The following STAG1 variants were observed in gnomAD, a reference collection of about 807,000 sequenced individuals.
STAG1 encodes the protein STAG1 cohesin complex component.
In STAG1, 26 loss-of-function variants were observed where a neutral mutation model predicts 170.9. The ratio of observed to expected loss-of-function variants is 0.15; its 90% CI spans 0.11 to 0.21. STAG1 has a LOEUF of 0.21. Ranked by LOEUF, STAG1 falls within the 10% of genes least tolerant of loss-of-function variation. The probability of loss-of-function intolerance (pLI) is 1.00; values close to 1 mark genes in which losing one functional copy is unlikely to be tolerated. For missense variants in STAG1, 964 were observed against 1,509.5 expected, an observed-to-expected ratio of 0.64 and a Z score of 5.99; for synonymous variants, 514 against 497.7, an observed-to-expected ratio of 1.03 and a Z score of -0.44.
rs553240223 is a variant in STAG1, at chr3:136,660,355, TGAA to T, written c.-83-29377_-83-29375del. 1.3e-4 allele frequency among the ~76,000 whole-genome samples: 20 copies of T among 152,092 alleles called. 1 individual carries two copies. In the South Asian group the frequency reaches 4.2e-3, roughly 32 times the overall value. On this transcript the variant is annotated intron_variant, in intron 1 of 33. Coordinates refer to ENST00000383202, the MANE Select transcript of STAG1 (RefSeq NM_005862.3). ...TTACTTTTAACGTATGGCCCACAAT[TGAA>T]GAAAAAAGATAATAAAATTTAGCAA...
chr3:136,658,213 C>G (rs2107862618), intron 1 of STAG1, among the ~76,000 whole-genome samples: 1 of 150,296 alleles, frequency 6.7e-6, no homozygotes, highest in South Asian at 2.1e-4. Flanking sequence ...AAAAAAAAAG[C>G]ATTTCCAAGG....
At chr3:136,494,423 T>G (rs1219641513) in intron 9 of STAG1, among the ~76,000 whole-genome samples, 2 of 152,220 alleles carry the variant, frequency 1.3e-5, no homozygotes, top group Non-Finnish European at 2.9e-5. Flanking sequence ...TTACCAATCC[T>G]TCATAAATTC....
At chr3:136,734,693 T>C (rs1483135786) in intron 1 of STAG1, among the ~76,000 whole-genome samples, 1 of 152,186 alleles carries the variant, frequency 6.6e-6, no homozygotes, top group Non-Finnish European at 1.5e-5. Flanking sequence ...TGGTTTGTTT[T>C]GTTGCTTTAG....
chr3:136,524,493 G>C (rs1238012521), intron 6 of STAG1, among the ~76,000 whole-genome samples: 2 of 152,122 alleles, frequency 1.3e-5, no homozygotes, highest in Non-Finnish European at 2.9e-5. Flanking sequence ...AGGAGATTTT[G>C]GGCTGAGACA....
At position 136,477,627 on chromosome 3, in the gene STAG1, T is replaced by C. The variant is rs574454607; in HGVS notation, c.903-215A>G. On this transcript the variant is annotated intron_variant, in intron 9 of 33. Transcript: ENST00000383202. ...AAAAAAAAGCTTCTATTAAACTATT[T>C]TGACCCAATTACTCTATTTTCACTG... 2.0e-5 allele frequency among the ~76,000 whole-genome samples: 3 copies of C among 152,264 alleles called. No individual in the cohort carries two copies. The South Asian group carries it at 6.2e-4, about 32-fold the overall frequency.
intron 6 of STAG1, among the ~76,000 whole-genome samples, chr3:136,541,708 A>G (rs1430346477): frequency 6.6e-6 from 1 of 152,138 alleles, no homozygotes; most frequent in Non-Finnish European, 1.5e-5. Flanking sequence ...TGATTTTATA[A>G]TCTCTGAGAC....
intron 21 of STAG1, among the ~76,000 whole-genome samples, chr3:136,411,419 C>G (rs550425756): frequency 6.6e-6 from 1 of 151,872 alleles, no homozygotes; most frequent in East Asian, 1.9e-4. Flanking sequence ...AACAAAGTCA[C>G]AAAACAGAAT....
chr3:136,535,794 A>G (rs530670043), intron 6 of STAG1, among the ~76,000 whole-genome samples: 19 of 152,362 alleles, frequency 1.2e-4, no homozygotes, highest in African/African-American at 4.6e-4. Flanking sequence ...TACACATTCT[A>G]TGCATGTAAA....
chr3:136,512,086 C>A (rs1418484841), intron 7 of STAG1, among the ~76,000 whole-genome samples: 1 of 102,386 alleles, frequency 9.8e-6, no homozygotes, highest in Non-Finnish European at 1.9e-5. Flanking sequence ...AAGACCTCTT[C>A]TCTACAAAAT....
At chr3:136,448,201 T>C (rs2088839694) in intron 14 of STAG1, among the ~76,000 whole-genome samples, 1 of 152,194 alleles carries the variant, frequency 6.6e-6, no homozygotes, top group African/African-American at 2.4e-5. Flanking sequence ...TACTAAAATG[T>C]TACTACTTCT....
At chr3:136,644,304 G>A (rs1363645858) in intron 1 of STAG1, among the ~76,000 whole-genome samples, 1 of 152,072 alleles carries the variant, frequency 6.6e-6, no homozygotes, top group Non-Finnish European at 1.5e-5. Flanking sequence ...GTAAAATTAG[G>A]GGAAGAACAA....
intron 3 of STAG1, among the ~76,000 whole-genome samples, chr3:136,619,756 C>CAAA (rs62857261): frequency 0.15 from 10,268 of 67,424 alleles, 1,126 homozygotes; most frequent in Non-Finnish European, 0.2. Context: ...GACTCTGTCT[C>CAAA]AAAAAAAAAA....
chr3:136,345,459 T>G (rs1176574848), intron 29 of STAG1, among the ~76,000 whole-genome samples: 5 of 148,344 alleles, frequency 3.4e-5, no homozygotes, highest in South Asian at 2.2e-4. Flanking sequence ...CTAGTTGTTT[T>G]TTTTTTTTTT....
chr3:136,648,274 G>A (rs1941099778), intron 1 of STAG1, among the ~76,000 whole-genome samples: 1 of 152,184 alleles, frequency 6.6e-6, no homozygotes, highest in East Asian at 1.9e-4. Context: ...GGTTTGGGGA[G>A]TATTCCCTTC....
chr3:136,446,860 C>T (rs1288658034), intron 14 of STAG1, among the ~76,000 whole-genome samples: 1 of 151,698 alleles, frequency 6.6e-6, no homozygotes, highest in South Asian at 2.1e-4. Flanking sequence ...GATGCAGTGG[C>T]GCAATCTCGG....
intron 1 of STAG1, among the ~76,000 whole-genome samples, chr3:136,678,193 A>G (rs1207333455): frequency 6.6e-6 from 1 of 151,096 alleles, no homozygotes; most frequent in African/African-American, 2.4e-5. Context: ...AAAAAAATCG[A>G]GTTTATATAT....
chr3:136,685,402 C>G (rs776535238), intron 1 of STAG1, among the ~76,000 whole-genome samples: 1 of 152,142 alleles, frequency 6.6e-6, no homozygotes, highest in Non-Finnish European at 1.5e-5. Flanking sequence ...AGACCTTAAA[C>G]AGACACCTCA....
intron 23 of STAG1, among the ~76,000 whole-genome samples, chr3:136,371,387 T>A (rs1359748071): frequency 6.6e-6 from 1 of 152,206 alleles, no homozygotes. Flanking sequence ...ATTTTGGCTT[T>A]TGTTGCCATT....
intron 1 of STAG1, among the ~76,000 whole-genome samples, chr3:136,686,470 A>G (rs1942536936): frequency 6.6e-6 from 1 of 152,222 alleles, no homozygotes; most frequent in Admixed American, 6.5e-5. Context: ...CCTGGAGTTC[A>G]GAATTGAATT....
Sources: gnomAD v4.1 joint callset for allele counts (sites outside exome capture counted in the v4.1 genomes callset) on GRCh38, gnomAD v4.1.1 for gene constraint, MANE v1.5 for transcripts, NCBI Gene and HGNC (gene_info 2026-07-23, HGNC 2026-07-21) for gene names.